RAB5C: variants seen among roughly 807,000 people sequenced by gnomAD.
RAB5C encodes RAB5C, member RAS oncogene family.
Under a neutral mutation model 25.2 loss-of-function variants are expected in RAB5C, and 4 were observed. The ratio of observed to expected loss-of-function variants is 0.16; its 90% CI spans 0.08 to 0.36. RAB5C has a LOEUF of 0.36. Ranked by LOEUF, RAB5C falls within the 10% of genes least tolerant of loss-of-function variation. The pLI is 1.00. For missense variants in RAB5C, 199 were observed against 283.8 expected (o/e 0.70, Z 2.15); for synonymous variants, 100 against 106.4 (o/e 0.94, Z 0.37).
At chr17:42,147,137 A>C (rs1369864207) in intron 1 of RAB5C, among the ~76,000 whole-genome samples, 1 of 125,558 alleles carries the variant, frequency 8.0e-6, no homozygotes, top group East Asian at 2.1e-4. Context: ...AAAGAAAGAA[A>C]GAAAGAAAGA....
intron 1 of RAB5C, among the ~76,000 whole-genome samples, chr17:42,153,960 T>C (rs763780365): frequency 2.0e-5 from 3 of 151,732 alleles, no homozygotes; most frequent in Non-Finnish European, 4.4e-5. Context: ...CTCAGGGAGG[T>C]GTATGTGTGT....
rs782020226 is a variant in RAB5C at position 42,125,745 on chromosome 17, GGC to G, written c.*36_*37del. ...GAGTGGATTCCAGTCGGGTCATTCA[GGC>G]GGAGGAGGCGGGGGCAGCGGGCAGG... is the stretch of plus-strand genomic sequence containing the variant. On this transcript the variant is annotated 3_prime_UTR_variant, in exon 6 of 6. Coordinates refer to ENST00000346213, the MANE Select transcript of RAB5C (RefSeq NM_004583.4). 12 of 1,449,192 alleles carry G rather than the reference GGC, an allele frequency of 8.3e-6. No homozygotes were observed. In the South Asian group the frequency reaches 1.3e-4, roughly 16 times the overall value. 89.8% of individuals were successfully genotyped at this position (1,449,192 alleles called of 1,614,324 possible). A position where few individuals can be genotyped will look rare whatever the true frequency, so the allele number is the denominator to read the frequency against.
chr17:42,144,556 G>A (rs139152059), intron 1 of RAB5C, among the ~76,000 whole-genome samples: 1,921 of 152,286 alleles, frequency 0.013, 18 homozygotes, highest in Non-Finnish European at 0.014. Flanking sequence ...GCTCACGCCT[G>A]TAACCCCAGC....
Position 42,125,671 on chromosome 17 carries a change from T to G in RAB5C, c.*112A>C. The G allele has an allele frequency of 1.4e-6, 1 of 695,600 alleles. No homozygotes were observed. Among genetic ancestry groups the G allele is most frequent in the Non-Finnish European group, 2.4e-6 (1 of 411,050 alleles). 43.1% of individuals were successfully genotyped at this position (695,600 alleles called of 1,614,324 possible). On this transcript the variant is annotated 3_prime_UTR_variant, in exon 6 of 6. Transcript: ENST00000346213. ...ATATGGAGAAATCATGGTGGACCCCTCCCCCTGCCCCCCCAGTGGTGGCCC... is the reference window on the plus strand; with the variant it reads ...ATATGGAGAAATCATGGTGGACCCCGCCCCCTGCCCCCCCAGTGGTGGCCC...
At position 42,126,879 on chromosome 17, in the gene RAB5C, AG is replaced by A. The variant is rs774201458; in HGVS notation, c.442-32del. 5 of 1,504,634 alleles carry A rather than the reference AG, an allele frequency of 3.3e-6. No homozygotes were observed. In the Admixed American group the frequency reaches 5.0e-5, roughly 15 times the overall value. 93.2% of individuals were successfully genotyped at this position (1,504,634 alleles called of 1,614,324 possible). ...TTGGATGGAGGTGAGAGGAGGTGAG[AG>A]GGAAATGTTGGCAGGGGCCAGGGCC... On this transcript the variant is annotated intron_variant, in intron 4 of 5. Transcript: ENST00000346213.
intron 1 of RAB5C, 85 bp from the exon 2 acceptor site, chr17:42,130,675 G>A (rs2054476488): frequency 3.5e-6 from 5 of 1,431,936 alleles, no homozygotes; most frequent in Non-Finnish European, 4.6e-6. Flanking sequence ...CTTTCCCTCT[G>A]GCCTCACTGA....
rs532620137 is a variant in RAB5C at position 42,125,692 on chromosome 17, G to A, written c.*91C>T. On this transcript the variant is annotated 3_prime_UTR_variant, in exon 6 of 6. Coordinates refer to ENST00000346213, the MANE Select transcript of RAB5C (RefSeq NM_004583.4). Reference sequence around the variant, plus strand: ...CCCCTCCCCCTGCCCCCCCAGTGGTGGCCCGAGTCGTTAAGTGCGATTGGT... The same window carrying A: ...CCCCTCCCCCTGCCCCCCCAGTGGTAGCCCGAGTCGTTAAGTGCGATTGGT... The A allele has an allele frequency of 1.3e-5, 11 of 862,400 alleles. No individual in the cohort carries two copies. Among genetic ancestry groups the A allele is most frequent in the Non-Finnish European group, 2.0e-5 (11 of 548,578 alleles). 53.4% of individuals were successfully genotyped at this position (862,400 alleles called of 1,614,324 possible).
At chr17:42,147,481 A>G (rs577020129) in intron 1 of RAB5C, among the ~76,000 whole-genome samples, 3 of 152,338 alleles carry the variant, frequency 2.0e-5, no homozygotes, top group African/African-American at 7.2e-5. Flanking sequence ...TCCTGCCATC[A>G]GATACACACA....
chr17:42,135,260 A>ATT (rs544805007), intron 1 of RAB5C, among the ~76,000 whole-genome samples: 9 of 134,140 alleles, frequency 6.7e-5, no homozygotes, highest in South Asian at 2.4e-4. Flanking sequence ...GCCACCTGTA[A>ATT]TTTTTTTTTT....
intron 1 of RAB5C, among the ~76,000 whole-genome samples, chr17:42,149,408 C>T (rs137929511): frequency 0.012 from 1,774 of 152,114 alleles, 36 homozygotes; most frequent in African/African-American, 0.04. Context: ...ATGGCAAAAC[C>T]CTGTCTCTAC....
In RAB5C at chr17:42,125,748, G is replaced by C; in HGVS notation, c.*35C>G. 1 of 1,466,028 alleles carries C rather than the reference G, an allele frequency of 6.8e-7. No homozygotes were observed. Among genetic ancestry groups the C allele is most frequent in the African/African-American group, 1.4e-5 (1 of 72,164 alleles). The allele number at this position is 1,466,028 out of a possible 1,614,324, so 90.8% of individuals were successfully genotyped here. ...TGGATTCCAGTCGGGTCATTCAGGC[G>C]GAGGAGGCGGGGGCAGCGGGCAGGC... is the stretch of plus-strand genomic sequence containing the variant. On this transcript the variant is annotated 3_prime_UTR_variant, in exon 6 of 6. Coordinates refer to ENST00000346213, the MANE Select transcript of RAB5C (RefSeq NM_004583.4).
intron 1 of RAB5C, among the ~76,000 whole-genome samples, chr17:42,142,685 C>T (rs1420103132): frequency 6.6e-6 from 1 of 152,188 alleles, no homozygotes; most frequent in Non-Finnish European, 1.5e-5. Flanking sequence ...TAAACCAACT[C>T]CTGTTAAGAT....
At chr17:42,139,265 G>A (rs79400690) in intron 1 of RAB5C, among the ~76,000 whole-genome samples, 1,970 of 152,342 alleles carry the variant, frequency 0.013, 22 homozygotes, top group East Asian at 0.022. Flanking sequence ...CATTGGCCCT[G>A]CTGGCCAACA....
chr17:42,144,719 G>A (rs1293739267), intron 1 of RAB5C, among the ~76,000 whole-genome samples: 2 of 151,796 alleles, frequency 1.3e-5, no homozygotes, highest in African/African-American at 4.8e-5. Context: ...ACGAGGTCAG[G>A]AGATCGAGAC....
chr17:42,154,140 G>T (rs545456073), intron 1 of RAB5C, among the ~76,000 whole-genome samples: 1 of 152,170 alleles, frequency 6.6e-6, no homozygotes, highest in Non-Finnish European at 1.5e-5. Context: ...CTGGAGCAAG[G>T]GGGGAGGGGA....
At chr17:42,126,880 G>C in intron 4 of RAB5C, 32 bp from the exon 5 acceptor site, 56 of 1,410,564 alleles carry the variant, frequency 4.0e-5, no homozygotes, top group Non-Finnish European at 5.3e-5. Context: ...GGAGGTGAGA[G>C]GGAAATGTTG....
At chr17:42,131,038 GC>G (rs1216657978) in intron 1 of RAB5C, among the ~76,000 whole-genome samples, 2 of 152,212 alleles carry the variant, frequency 1.3e-5, no homozygotes, top group East Asian at 3.8e-4. Flanking sequence ...CAGTCTGGTA[GC>G]CAGGACCACA....
chr17:42,125,897 A>G lies in RAB5C; in HGVS notation c.537T>C (p.Ala179=), dbSNP rs1378349821. Residue 179 remains alanine (A), a splice_region_variant and synonymous_variant, in exon 6 of 6, where the codon GCT becomes GCC. Transcript: ENST00000346213. ...MNVNEIFMAI[A]KKLPKNEPQN... ...GGGGCTCGTTCTTGGGAAGCTTCTTAGCTGTTTGGGAGGGGGAAAAGTGCA... is the reference window on the plus strand; with the variant it reads ...GGGGCTCGTTCTTGGGAAGCTTCTTGGCTGTTTGGGAGGGGGAAAAGTGCA... The G allele has an allele frequency of 6.2e-7, 1 of 1,606,148 alleles. No individual in the cohort carries two copies. The highest frequency in any genetic ancestry group is 1.3e-5 in the African/African-American group (1 of 74,916).
intron 5 of RAB5C, among the ~76,000 whole-genome samples, chr17:42,126,343 G>A (rs1020494762): frequency 2.6e-5 from 4 of 152,090 alleles, no homozygotes; most frequent in African/African-American, 9.7e-5. Flanking sequence ...GTTAAAAGTG[G>A]TGAAGGGGGC....
Sources: allele counts gnomAD v4.1 joint callset (sites outside exome capture counted in the v4.1 genomes callset), GRCh38; gene constraint gnomAD v4.1.1; transcripts MANE v1.5; gene names NCBI Gene and HGNC (gene_info 2026-07-23, HGNC 2026-07-21).